Variants in LPCAT2 observed in about 807,000 individuals in gnomAD.
LPCAT2 encodes 1-AGP acyltransferase 11.
In LPCAT2, 58 loss-of-function variants were observed where a neutral mutation model predicts 64.7. The observed-to-expected ratio is 0.90, with a 90% confidence interval of 0.73 to 1.12. The LOEUF is 1.12. LPCAT2 is among the 50% of genes most tolerant of loss of function. The pLI, the probability that LPCAT2 is intolerant of heterozygous loss-of-function variation, is 0.00. For missense variants in LPCAT2, 579 were observed against 669.8 expected, an observed-to-expected ratio of 0.86 and a Z score of 1.50; for synonymous variants, 252 against 245.3, an observed-to-expected ratio of 1.03 and a Z score of -0.26.
chr16:55,537,904 T>C (rs1322277208), intron 8 of LPCAT2, among the ~76,000 whole-genome samples: 13 of 152,196 alleles, frequency 8.5e-5, no homozygotes, highest in African/African-American at 3.1e-4. Context: ...CTCTGCCAAA[T>C]TGAATGATAT....
At chr16:55,558,459 A>AT (rs1177189947) in intron 11 of LPCAT2, among the ~76,000 whole-genome samples, 14 of 152,020 alleles carry the variant, frequency 9.2e-5, no homozygotes, top group Non-Finnish European at 1.3e-4. Context: ...TAAGCACATA[A>AT]TTTTTTTTGC....
rs1275287430 is a variant in LPCAT2 at position 55,528,388 on chromosome 16, A to G, written c.323A>G (p.Gln108Arg). 2 of 1,613,140 alleles carry G rather than the reference A, an allele frequency of 1.2e-6. No homozygotes were observed. Among genetic ancestry groups the G allele is most frequent in the Non-Finnish European group, 1.7e-6 (2 of 1,179,566 alleles). ...CTATATTTTCAAAGGAAAATTACTC[A>G]AACAGCTTTGAAATTTCTGGGTCGT... ...PITGWRRKITQTALKFLGRAM... is the reference protein window; with the variant it reads ...PITGWRRKITRTALKFLGRAM... The change falls in exon 3 of 14, where the codon CAA becomes CGA. Residue 108 changes from glutamine (Q) to arginine (R), a missense_variant. By Grantham distance (43) the Gln-to-Arg change is conservative (BLOSUM62 1). Coordinates refer to ENST00000262134, the MANE Select transcript of LPCAT2 (RefSeq NM_017839.5).
chr16:55,545,923 C>A, intron 9 of LPCAT2, 106 bp downstream of exon 9: 1 of 721,346 alleles, frequency 1.4e-6, no homozygotes, highest in South Asian at 1.8e-5. Context: ...AGGCCTCGTT[C>A]CCCAATTCAT....
intron 8 of LPCAT2, 22 bp downstream of exon 8, chr16:55,537,654 C>G: frequency 6.2e-7 from 1 of 1,609,210 alleles, no homozygotes; most frequent in Non-Finnish European, 8.5e-7. Flanking sequence ...AAAATGTGGC[C>G]TTGGAACTTG....
chr16:55,578,748 C>A (rs1459075076), intron 12 of LPCAT2, among the ~76,000 whole-genome samples: 1 of 152,170 alleles, frequency 6.6e-6, no homozygotes, highest in Non-Finnish European at 1.5e-5. Context: ...GAGCCCCAGG[C>A]AATCACTTGC....
At chr16:55,522,621 C>T (rs1275449610) in intron 1 of LPCAT2, among the ~76,000 whole-genome samples, 3 of 151,642 alleles carry the variant, frequency 2.0e-5, no homozygotes, top group African/African-American at 4.8e-5. Flanking sequence ...GGAGTATTGA[C>T]AGAAGTATAG....
chr16:55,518,774 A>G (rs1963049898), intron 1 of LPCAT2, among the ~76,000 whole-genome samples: 1 of 152,228 alleles, frequency 6.6e-6, no homozygotes. Context: ...TACAAAAATT[A>G]ACTCAAAGCA....
intron 1 of LPCAT2, among the ~76,000 whole-genome samples, chr16:55,511,185 T>C (rs948343207): frequency 6.6e-6 from 1 of 152,232 alleles, no homozygotes; most frequent in Non-Finnish European, 1.5e-5. Flanking sequence ...TTAATATTGA[T>C]AATATTGATA....
intron 6 of LPCAT2, among the ~76,000 whole-genome samples, chr16:55,534,107 G>T (rs9928032): frequency 0.1 from 15,730 of 151,748 alleles, 1,099 homozygotes; most frequent in African/African-American, 0.19. Context: ...TTTTGAAAAC[G>T]GATATATTCT....
intron 2 of LPCAT2, among the ~76,000 whole-genome samples, chr16:55,527,267 T>G (rs545607134): frequency 2.0e-5 from 3 of 152,148 alleles, no homozygotes; most frequent in East Asian, 3.9e-4. Flanking sequence ...GCGGATCACT[T>G]GAGGTCAGGA....
At chr16:55,551,516 C>A (rs1229656799) in intron 11 of LPCAT2, among the ~76,000 whole-genome samples, 10 of 152,026 alleles carry the variant, frequency 6.6e-5, no homozygotes, top group Non-Finnish European at 1.3e-4. Context: ...ACATTGATGA[C>A]ATGGGTGTTT....
At chr16:55,527,551 C>T (rs1963188986) in intron 2 of LPCAT2, among the ~76,000 whole-genome samples, 2 of 150,766 alleles carry the variant, frequency 1.3e-5, no homozygotes, top group Admixed American at 1.3e-4. Context: ...TCATAAAAAG[C>T]TATATGCTTA....
At chr16:55,563,483 C>T (rs572156123) in intron 11 of LPCAT2, among the ~76,000 whole-genome samples, 1 of 152,004 alleles carries the variant, frequency 6.6e-6, no homozygotes, top group Admixed American at 6.6e-5. Flanking sequence ...CACAATTCAA[C>T]AGCACACTAA....
intron 11 of LPCAT2, among the ~76,000 whole-genome samples, 155 bp from the exon 12 acceptor site, chr16:55,574,476 G>C (rs542111637): frequency 6.6e-6 from 1 of 152,182 alleles, no homozygotes; most frequent in Non-Finnish European, 1.5e-5. Flanking sequence ...GGAATAGTTG[G>C]GCTACTTGCT....
Position 55,584,883 on chromosome 16 carries a change from CAATT to C in LPCAT2, c.*1788_*1791del, listed in dbSNP as rs1963927551. 6.6e-6 allele frequency: 1 copy of C among 151,194 alleles called. No homozygotes were observed. The highest frequency in any genetic ancestry group is 1.5e-5 in the Non-Finnish European group (1 of 67,848). 9.4% of individuals were successfully genotyped at this position (151,194 alleles called of 1,614,324 possible). A position where few individuals can be genotyped will look rare whatever the true frequency, so the allele number is the denominator to read the frequency against. Reference sequence around the variant, plus strand: ...AAACAAGGTGTTAAATGAGCCAAAACAATTAAGTAATTAGAACAGTACATTTTTA... The same window carrying C: ...AAACAAGGTGTTAAATGAGCCAAAACAAGTAATTAGAACAGTACATTTTTA... On this transcript the variant is annotated 3_prime_UTR_variant, in exon 14 of 14. Coordinates refer to ENST00000262134, the MANE Select transcript of LPCAT2 (RefSeq NM_017839.5).
chr16:55,566,543 T>C (rs1596882778), intron 11 of LPCAT2: 5 of 529,776 alleles, frequency 9.4e-6, no homozygotes, highest in Admixed American at 6.9e-5. Context: ...TGAAAACAAT[T>C]TTATTGAGGC....
At chr16:55,570,675 G>A (rs1190337679) in intron 11 of LPCAT2, among the ~76,000 whole-genome samples, 1 of 152,146 alleles carries the variant, frequency 6.6e-6, no homozygotes, top group African/African-American at 2.4e-5. Context: ...AAAAATATTT[G>A]TGGAGGCACT....
intron 11 of LPCAT2, chr16:55,566,634 T>G: frequency 1.0e-6 from 1 of 980,340 alleles, no homozygotes; most frequent in Non-Finnish European, 1.5e-6. Context: ...TCATGGGGCG[T>G]GGTGCAGTGT....
intron 1 of LPCAT2, 36 bp from the exon 2 acceptor site, chr16:55,525,472 G>A: frequency 6.4e-7 from 1 of 1,570,632 alleles, no homozygotes; most frequent in Non-Finnish European, 8.7e-7. Context: ...TTAAAATAAT[G>A]TCCATTCATT....
Sources: gnomAD v4.1 joint callset for allele counts (sites outside exome capture counted in the v4.1 genomes callset) on GRCh38, gnomAD v4.1.1 for gene constraint, MANE v1.5 for transcripts, NCBI Gene and HGNC (gene_info 2026-07-23, HGNC 2026-07-21) for gene names.